The following FAAH2 variants were observed in gnomAD, a reference collection of about 807,000 sequenced individuals.
FAAH2 encodes the protein fatty acid amide hydrolase 2.
In FAAH2, 60 loss-of-function variants were observed where a neutral mutation model predicts 36.9. The ratio of observed to expected loss-of-function variants is 1.63; its 90% CI spans 1.32 to 2.02. The LOEUF (loss-of-function observed/expected upper bound fraction) is 2.02, where lower values mean the gene tolerates loss of function less well. Among genes scored for constraint, FAAH2 ranks in the 30% most tolerant of loss-of-function variants. The probability of loss-of-function intolerance (pLI) is 0.00; values close to 1 mark genes in which losing one functional copy is unlikely to be tolerated. For synonymous variants in FAAH2, 214 were observed against 143.8 expected, an observed-to-expected ratio of 1.49 and a Z score of -3.49; for missense variants, 689 against 397.5, an observed-to-expected ratio of 1.73 and a Z score of -6.23.
At chrX:57,335,205 G>T (rs972713689) in intron 4 of FAAH2, among the ~76,000 whole-genome samples, 1 of 111,860 alleles carries the variant, frequency 8.9e-6, no homozygotes, top group Non-Finnish European at 1.9e-5. Flanking sequence ...GGCGTTTCTC[G>T]TTAGGTGGAA....
At chrX:57,329,264 G>A (rs1283142498) in intron 3 of FAAH2, among the ~76,000 whole-genome samples, 1 of 111,840 alleles carries the variant, frequency 8.9e-6, no homozygotes, top group African/African-American at 3.3e-5. Flanking sequence ...ATGACTGGGG[G>A]CATAGGGCTT....
intron 10 of FAAH2, among the ~76,000 whole-genome samples, chrX:57,459,543 G>A (rs949425226): frequency 1.8e-5 from 2 of 112,230 alleles, no homozygotes; most frequent in African/African-American, 6.5e-5. Context: ...CTTGTGCCTC[G>A]TGACTGGGAT....
At chrX:57,370,127 G>A (rs998056749) in intron 5 of FAAH2, among the ~76,000 whole-genome samples, 8 of 111,007 alleles carry the variant, frequency 7.2e-5, no homozygotes, top group Admixed American at 3.8e-4. Flanking sequence ...AATGACAAAC[G>A]TAAAAAAATG....
the FAAH2 span, among the ~76,000 whole-genome samples, chrX:57,124,261 A>C: frequency 3.6e-5 from 4 of 111,687 alleles, no homozygotes; most frequent in Middle Eastern, 4.6e-3. Context: ...TAAATAGGGA[A>C]TCCTTTCCCC....
At chrX:57,136,921 C>G in the FAAH2 span, 2 of 756,307 alleles carry the variant, frequency 2.6e-6, no homozygotes, top group African/African-American at 2.2e-5. Context: ...TCCCAATCCC[C>G]TGCAAAGCGG....
intron 7 of FAAH2, among the ~76,000 whole-genome samples, chrX:57,385,777 G>A (rs367962431): frequency 9.0e-5 from 10 of 110,660 alleles, no homozygotes; most frequent in South Asian, 3.9e-4. Flanking sequence ...GCGCGGTGGC[G>A]GGCGCCTGTA....
At chrX:57,145,629 G>T in the FAAH2 span, among the ~76,000 whole-genome samples, 2 of 111,866 alleles carry the variant, frequency 1.8e-5, no homozygotes, top group South Asian at 7.4e-4. Context: ...TGAAGTCTTT[G>T]CCTAAGCCAA....
chrX:57,382,803 G>A (rs2054891510), intron 7 of FAAH2, among the ~76,000 whole-genome samples: 1 of 111,252 alleles, frequency 9.0e-6, no homozygotes, highest in Non-Finnish European at 1.9e-5. Flanking sequence ...AGAAAAAGAG[G>A]GAATCCTCCC....
In FAAH2 at chrX:57,439,000, G is replaced by A. The variant is rs757822027; in HGVS notation, c.1116+6963G>A. On this transcript the variant is annotated intron_variant, in intron 8 of 10. Coordinates refer to ENST00000374900, the MANE Select transcript of FAAH2 (RefSeq NM_174912.4). ...CCACATTTTCTTAATCCAGTCTATC[G>A]TTGTTGGACATTTGGGTTGGTTCCA... 3.1e-3 allele frequency among the ~76,000 whole-genome samples: 340 copies of A among 110,685 alleles called. 1 individual carries two copies. The highest frequency in any genetic ancestry group is 0.01 in the African/African-American group (315 of 30,495).
At chrX:57,211,364 A>G in the FAAH2 span, among the ~76,000 whole-genome samples, 1 of 110,998 alleles carries the variant, frequency 9.0e-6, no homozygotes, top group Non-Finnish European at 1.9e-5. Flanking sequence ...GCCTTCCAAC[A>G]CCCATCAGAG....
the FAAH2 span, among the ~76,000 whole-genome samples, chrX:57,200,336 GA>G: frequency 2.8e-5 from 3 of 106,023 alleles, no homozygotes; most frequent in Admixed American, 1.0e-4. Flanking sequence ...AATAAGCAAG[GA>G]AAAAAATAAT....
chrX:57,312,340 C>T (rs2052717965), intron 3 of FAAH2, among the ~76,000 whole-genome samples: 1 of 111,917 alleles, frequency 8.9e-6, no homozygotes, highest in South Asian at 3.7e-4. Context: ...CTAATATGTG[C>T]ACCTGTGAAA....
Position 57,462,507 on chromosome X carries a change from C to A in FAAH2, c.1423+13789C>A, listed in dbSNP as rs372063121. ...TGGGATGCAAGGCTTGTTCAACATA[C>A]GCAAATCAATAAACATAACCCATCA... On this transcript the variant is annotated intron_variant, in intron 10 of 10. Coordinates refer to ENST00000374900, the MANE Select transcript of FAAH2 (RefSeq NM_174912.4). 5.4e-5 allele frequency among the ~76,000 whole-genome samples: 6 copies of A among 111,851 alleles called. No homozygotes were observed. The East Asian group carries it at 1.7e-3, about 31-fold the overall frequency.
intron 5 of FAAH2, among the ~76,000 whole-genome samples, chrX:57,361,888 T>A (rs967662643): frequency 1.5e-4 from 17 of 111,464 alleles, no homozygotes; most frequent in African/African-American, 4.9e-4. Flanking sequence ...ATTTTTTTCA[T>A]GTTTGAAGGA....
Position 57,290,864 on chromosome X carries a change from C to A in FAAH2, c.193-1634C>A, listed in dbSNP as rs772938641. On this transcript the variant is annotated intron_variant, in intron 1 of 10. Coordinates refer to ENST00000374900, the MANE Select transcript of FAAH2 (RefSeq NM_174912.4). ...TTTTTGTGAATTTCCTGATAATTTG[C>A]CATTTTAGTTTTGTTTACCTCTTAG... Among the ~76,000 whole-genome samples the A allele has an allele frequency of 2.7e-5, 3 of 111,099 alleles. No individual in the cohort carries two copies. The South Asian group carries it at 1.1e-3, about 42-fold the overall frequency.
chrX:57,208,170 G>A, the FAAH2 span, among the ~76,000 whole-genome samples: 19 of 112,085 alleles, frequency 1.7e-4, no homozygotes, highest in South Asian at 3.8e-4. Flanking sequence ...AGTATTCTCC[G>A]GAAAAGAAAG....
chrX:57,150,415 A>G, the FAAH2 span, among the ~76,000 whole-genome samples: 1 of 111,881 alleles, frequency 8.9e-6, no homozygotes, highest in African/African-American at 3.2e-5. Flanking sequence ...GTAGGTCACT[A>G]AGGACTTGCT....
At chrX:57,150,393 C>A in the FAAH2 span, among the ~76,000 whole-genome samples, 2 of 111,905 alleles carry the variant, frequency 1.8e-5, no homozygotes, top group Non-Finnish European at 3.8e-5. Flanking sequence ...GTGTGGGATT[C>A]TAAGTCTCTT....
At chrX:57,122,857 G>A in the FAAH2 span, among the ~76,000 whole-genome samples, 2 of 111,736 alleles carry the variant, frequency 1.8e-5, no homozygotes, top group Middle Eastern at 4.7e-3. Context: ...AAGTATGAAA[G>A]AACATTAAAA....
Sources: gnomAD v4.1 joint callset for allele counts (sites outside exome capture counted in the v4.1 genomes callset) on GRCh38, gnomAD v4.1.1 for gene constraint, MANE v1.5 for transcripts, NCBI Gene and HGNC (gene_info 2026-07-23, HGNC 2026-07-21) for gene names.